TOPAZ1: variants seen among roughly 807,000 people sequenced by gnomAD.
TOPAZ1 encodes protein TOPAZ1.
A neutral mutation model predicts 172.2 loss-of-function variants in TOPAZ1; 66 were observed. That is an observed-to-expected ratio of 0.38 (90% CI 0.31 to 0.47). The LOEUF (loss-of-function observed/expected upper bound fraction) is 0.47, where lower values mean the gene tolerates loss of function less well. TOPAZ1 is among the 20% of genes least tolerant of loss of function. The probability of loss-of-function intolerance (pLI) is 0.99; values close to 1 mark genes in which losing one functional copy is unlikely to be tolerated. For synonymous variants in TOPAZ1, 681 were observed against 683.9 expected (o/e 1.00, Z 0.07); for missense variants, 1,822 against 1,972.4 (o/e 0.92, Z 1.44).
rs1025013584 is a variant in TOPAZ1, at chr3:44,243,547, G to A, written c.1041G>A (p.Met347Ile). Residue 347 changes from methionine to isoleucine, a missense_variant, in exon 2 of 20, where the codon ATG becomes ATA. Transcript: ENST00000309765. Reference sequence around the variant, plus strand: ...AAGCAGATGAAACAGTTACTGAGATGAACTTCTCTAATGAGTATAACAAGT... The same window carrying A: ...AAGCAGATGAAACAGTTACTGAGATAAACTTCTCTAATGAGTATAACAAGT... ...SEKADETVTEMNFSNEYNKSE... is the reference protein window; with the variant it reads ...SEKADETVTEINFSNEYNKSE... 3 of 1,551,250 alleles carry A rather than the reference G, an allele frequency of 1.9e-6. 1 individual carries two copies. The highest frequency in any genetic ancestry group is 2.4e-5 in the South Asian group (2 of 83,996).
chr3:44,252,352 T>C (rs1699644045), intron 2 of TOPAZ1, among the ~76,000 whole-genome samples: 4 of 152,252 alleles, frequency 2.6e-5, no homozygotes, highest in Admixed American at 2.6e-4. Context: ...TCCTGCTTAA[T>C]CTTCCTAAAC....
downstream of TOPAZ1, among the ~76,000 whole-genome samples, chr3:44,332,515 TTC>T (rs1451454771): frequency 6.6e-6 from 1 of 152,172 alleles, no homozygotes; most frequent in Non-Finnish European, 1.5e-5. Context: ...CTGAATAGTT[TTC>T]CTTTAGTGTA....
chr3:44,302,829 G>A (rs536921678), intron 12 of TOPAZ1, among the ~76,000 whole-genome samples: 16 of 152,166 alleles, frequency 1.1e-4, no homozygotes, highest in African/African-American at 3.9e-4. Context: ...ATTTATAAAA[G>A]CTATTGTTTT....
intron 16 of TOPAZ1, among the ~76,000 whole-genome samples, chr3:44,318,341 A>G (rs1700473287): frequency 6.6e-6 from 1 of 152,176 alleles, no homozygotes; most frequent in East Asian, 1.9e-4. Context: ...AGTCCCAGCT[A>G]CTAAGGAGGC....
intron 18 of TOPAZ1, among the ~76,000 whole-genome samples, chr3:44,324,249 G>A (rs1700573155): frequency 6.6e-6 from 1 of 152,148 alleles, no homozygotes; most frequent in African/African-American, 2.4e-5. Flanking sequence ...TTTCTTGTAG[G>A]TTATAATCAA....
At chr3:44,325,223 C>T (rs572469651) in intron 18 of TOPAZ1, among the ~76,000 whole-genome samples, 8 of 152,300 alleles carry the variant, frequency 5.3e-5, no homozygotes, top group Non-Finnish European at 4.4e-5. Flanking sequence ...GGTATATAAT[C>T]GTGTCTAGTA....
At position 44,270,781 on chromosome 3, in the gene TOPAZ1, G is replaced by C. The variant is rs1230872005; in HGVS notation, c.3343G>C (p.Ala1115Pro). Residue 1115 changes from alanine to proline, a missense_variant, in exon 8 of 20, where the codon GCT (alanine) becomes CCT (proline). Physicochemically the swap from Ala to Pro is conservative, Grantham distance 27. Around this residue, in one of 2 missense-constraint regions of TOPAZ1, gnomAD observed 1,489 missense variants for 1,490.8 expected, o/e 1.00. Transcript: ENST00000309765. ...RGCERPLCKF[A>P]HVPEQGDEKV... ...CTGTGAGCGACCACTGTGCAAGTTT[G>C]CTCATGTGCCTGAACAAGGGGATGA... The C allele has an allele frequency of 1.3e-6, 2 of 1,549,648 alleles. No homozygotes were observed. Among genetic ancestry groups the C allele is most frequent in the Non-Finnish European group, 1.7e-6 (2 of 1,145,950 alleles).
intron 5 of TOPAZ1, among the ~76,000 whole-genome samples, 194 bp from the exon 6 acceptor site, chr3:44,266,803 C>G (rs776070373): frequency 5.3e-5 from 8 of 151,934 alleles, no homozygotes; most frequent in Non-Finnish European, 8.8e-5. Context: ...GACACAGAGA[C>G]GTAAGTGAGC....
intron 12 of TOPAZ1, among the ~76,000 whole-genome samples, chr3:44,303,810 CCTT>C (rs1700303834): frequency 6.6e-6 from 1 of 151,968 alleles, no homozygotes; most frequent in Admixed American, 6.6e-5. Context: ...TTTGCTTTTT[CCTT>C]CTTATTGTTT....
intron 8 of TOPAZ1, among the ~76,000 whole-genome samples, chr3:44,276,621 G>GTTTTT (rs1699960637): frequency 5.3e-4 from 14 of 26,546 alleles, no homozygotes; most frequent in Non-Finnish European, 7.8e-4. Flanking sequence ...CTCCAGCTTT[G>GTTTTT]TTCTTTTTTT....
At chr3:44,263,175 G>T (rs1161916901) in intron 5 of TOPAZ1, among the ~76,000 whole-genome samples, 1 of 152,192 alleles carries the variant, frequency 6.6e-6, no homozygotes, top group Non-Finnish European at 1.5e-5. Context: ...TGAGAACTGT[G>T]TTAAGGGAAA....
chr3:44,256,007 A>G, intron 3 of TOPAZ1, 144 bp from the exon 4 acceptor site: 1 of 489,558 alleles, frequency 2.0e-6, no homozygotes, highest in Admixed American at 4.2e-5. Flanking sequence ...ATTATTGTAT[A>G]ATTCGCTGAA....
chr3:44,296,096 TAAAC>T (rs1700190894), intron 12 of TOPAZ1, among the ~76,000 whole-genome samples: 1 of 152,162 alleles, frequency 6.6e-6, no homozygotes, highest in Non-Finnish European at 1.5e-5. Flanking sequence ...ACTTGGAAAT[TAAAC>T]AACACATTTC....
At position 44,281,853 on chromosome 3, in the gene TOPAZ1, A is replaced by G. The variant is rs989337200; in HGVS notation, c.3373-115A>G. ...ACCAAACATCAGCTTCTTTATTCCA[A>G]TCCTTTGAGATCATTTAAAAATTTC... On this transcript the variant is annotated intron_variant, in intron 8 of 19. Transcript: ENST00000309765. The G allele has an allele frequency of 1.0e-4, 61 of 602,730 alleles. No individual in the cohort carries two copies. In the South Asian group the frequency reaches 1.1e-3, roughly 11 times the overall value. 37.3% of individuals were successfully genotyped at this position (602,730 alleles called of 1,614,324 possible).
At chr3:44,335,411 G>T (rs1394201036), downstream of TOPAZ1, among the ~76,000 whole-genome samples, 1 of 152,014 alleles carries the variant, frequency 6.6e-6, no homozygotes, top group Non-Finnish European at 1.5e-5. Context: ...AGATCACGAG[G>T]TCAGGAGTTT....
rs543062324 is a variant in TOPAZ1 at position 44,308,299 on chromosome 3, C to G, written c.4141-1526C>G. Among the ~76,000 whole-genome samples, 13 of 147,934 alleles carry G rather than the reference C, an allele frequency of 8.8e-5. No homozygotes were observed. The East Asian group carries it at 2.7e-3, about 30-fold the overall frequency. ...CCCCTCCCCCAACCCCATGACAGGCCCCAGTGTGTGATGTTCCCCACCCTG... is the reference window on the plus strand; with the variant it reads ...CCCCTCCCCCAACCCCATGACAGGCGCCAGTGTGTGATGTTCCCCACCCTG... On this transcript the variant is annotated intron_variant, in intron 15 of 19. Coordinates refer to ENST00000309765, the MANE Select transcript of TOPAZ1 (RefSeq NM_001145030.2).
chr3:44,315,282 G>C (rs183718942), intron 16 of TOPAZ1, among the ~76,000 whole-genome samples: 1 of 152,076 alleles, frequency 6.6e-6, no homozygotes, highest in Non-Finnish European at 1.5e-5. Context: ...ACCAGCGCCT[G>C]TGACTACAGT....
intron 3 of TOPAZ1, 30 bp downstream of exon 3, chr3:44,255,059 T>C (rs1298370306): frequency 3.3e-6 from 5 of 1,497,072 alleles, no homozygotes; most frequent in Admixed American, 3.9e-5. Flanking sequence ...GAATATGCAA[T>C]ATTGAAGCAT....
At chr3:44,298,218 C>G (rs887365163) in intron 12 of TOPAZ1, among the ~76,000 whole-genome samples, 1 of 152,160 alleles carries the variant, frequency 6.6e-6, no homozygotes, top group Non-Finnish European at 1.5e-5. Context: ...AATCACAATA[C>G]TTTGGGAGGG....
Sources: gnomAD v4.1 joint callset for allele counts (sites outside exome capture counted in the v4.1 genomes callset) on GRCh38, gnomAD v4.1.1 for gene constraint, gnomAD v4.1.1 regional missense constraint, MANE v1.5 for transcripts, NCBI Gene and HGNC (gene_info 2026-07-23, HGNC 2026-07-21) for gene names.